PLCH1: variants seen among roughly 807,000 people sequenced by gnomAD.
PLCH1 encodes the protein 1-phosphatidylinositol 4,5-bisphosphate phosphodiesterase eta-1.
A neutral mutation model predicts 126.7 loss-of-function variants in PLCH1; 60 were observed. The ratio of observed to expected loss-of-function variants is 0.47; its 90% CI spans 0.38 to 0.59. PLCH1 has a LOEUF of 0.59. PLCH1 is among the 20% of genes least tolerant of loss of function. PLCH1 has a pLI of 0.00. For synonymous variants in PLCH1, 719 were observed against 734.9 expected, an observed-to-expected ratio of 0.98 and a Z score of 0.35; for missense variants, 1,723 against 2,040.0, an observed-to-expected ratio of 0.84 and a Z score of 2.99.
At chr3:155,605,327 G>T (rs1008533840) in intron 2 of PLCH1, among the ~76,000 whole-genome samples, 1 of 152,046 alleles carries the variant, frequency 6.6e-6, no homozygotes, top group Non-Finnish European at 1.5e-5. Context: ...AATTCTTGGG[G>T]ATCATGGAAA....
In PLCH1 at chr3:155,490,883, G is replaced by A. The variant is rs892788122; in HGVS notation, c.2308-15C>T. ...GGGTCAATGATCTATTAAGTAAAGA[G>A]AAAGTACTATTACAAATAACATATT... On this transcript the variant is annotated splice_polypyrimidine_tract_variant and intron_variant, in intron 18 of 22. Transcript: ENST00000460012. The A allele has an allele frequency of 3.8e-6, 5 of 1,306,814 alleles. No individual in the cohort carries two copies. The African/African-American group carries it at 5.8e-5, about 15-fold the overall frequency. 81.0% of individuals were successfully genotyped at this position (1,306,814 alleles called of 1,614,324 possible).
intron 2 of PLCH1, among the ~76,000 whole-genome samples, chr3:155,657,328 G>C (rs965669156): frequency 3.3e-5 from 5 of 152,142 alleles, no homozygotes; most frequent in African/African-American, 1.2e-4. Context: ...CAGAAAAGGG[G>C]AACCTAGGAA....
intron 10 of PLCH1, among the ~76,000 whole-genome samples, chr3:155,533,214 T>A (rs1722920907): frequency 6.6e-6 from 1 of 152,214 alleles, no homozygotes; most frequent in African/African-American, 2.4e-5. Flanking sequence ...AAGCAGAGCA[T>A]AAAAGTTTGG....
rs377126924 is a variant in PLCH1, at chr3:155,485,359, G to A, written c.2971C>T (p.Leu991=). The A allele has an allele frequency of 2.5e-6, 4 of 1,593,160 alleles. No individual in the cohort carries two copies. In the African/African-American group the frequency reaches 5.4e-5, roughly 21 times the overall value. The change falls in exon 22 of 23, where the codon CTA becomes TTA. Residue 991 remains leucine (L), a synonymous_variant. Transcript: ENST00000460012. ...AGAGAAACTTAAAGCATCTTACCTA[G>A]AGAGTTTTCTTTTCCTTCAATGTCT... The part of the protein sequence containing the change: ...AKDIEGKENS[L]AEDKDGRRKG...
intron 2 of PLCH1, among the ~76,000 whole-genome samples, chr3:155,601,308 ATAAT>A (rs1733709241): frequency 6.6e-6 from 1 of 152,136 alleles, no homozygotes; most frequent in Non-Finnish European, 1.5e-5. Context: ...ATTTTTTAAA[ATAAT>A]TAAAGTCAAT....
At chr3:155,589,908 T>A (rs2108624318) in intron 4 of PLCH1, among the ~76,000 whole-genome samples, 1 of 152,298 alleles carries the variant, frequency 6.6e-6, no homozygotes, top group African/African-American at 2.4e-5. Flanking sequence ...ATTATCATCA[T>A]CACCATGTTG....
chr3:155,504,351 T>C (rs910100099), intron 13 of PLCH1, among the ~76,000 whole-genome samples: 3 of 152,232 alleles, frequency 2.0e-5, no homozygotes, highest in African/African-American at 4.8e-5. Context: ...AAATATTCTT[T>C]CCCAGTATGC....
intron 10 of PLCH1, among the ~76,000 whole-genome samples, chr3:155,527,914 C>T (rs112283465): frequency 0.019 from 2,582 of 136,168 alleles, 40 homozygotes; most frequent in Non-Finnish European, 0.03. Flanking sequence ...AGTGACACTC[C>T]GTTTCAAAAA....
At chr3:155,620,480 A>G (rs3908141) in intron 2 of PLCH1, among the ~76,000 whole-genome samples, 73,893 of 152,094 alleles carry the variant, frequency 0.49, 20,345 homozygotes, top group African/African-American at 0.74. Flanking sequence ...ATGGAGAACA[A>G]GGTAGTGTCA....
intron 2 of PLCH1, among the ~76,000 whole-genome samples, chr3:155,641,288 T>C (rs1739371138): frequency 6.6e-6 from 1 of 152,078 alleles, no homozygotes; most frequent in South Asian, 2.1e-4. Context: ...TCTTGATAAT[T>C]CAAGTTTTCC....
At chr3:155,545,835 A>G (rs1316532559) in intron 10 of PLCH1, among the ~76,000 whole-genome samples, 14 of 152,200 alleles carry the variant, frequency 9.2e-5, no homozygotes, top group African/African-American at 3.4e-4. Flanking sequence ...ACAAAATTCA[A>G]CAAGCTTCAT....
In PLCH1 at chr3:155,593,985, G is replaced by A. The variant is rs754514011; in HGVS notation, c.426C>T (p.Ile142=). Residue 142 remains isoleucine (I), a synonymous_variant, in exon 4 of 23, where the codon ATC becomes ATT. Coordinates refer to ENST00000460012, the MANE Select transcript of PLCH1 (RefSeq NM_014996.4). ...TTTTGGCAAGGGAGTCTTCATCACT[G>A]ATGCCAGCCATCAGGTACTTGAGGC... ...ITGLKYLMAG[I]SDEDSLAKRQ... The A allele has an allele frequency of 5.0e-6, 8 of 1,613,934 alleles. No homozygotes were observed. In the Admixed American group the frequency reaches 1.3e-4, roughly 27 times the overall value.
At chr3:155,595,931 T>C (rs533866324) in intron 3 of PLCH1, among the ~76,000 whole-genome samples, 206 of 152,240 alleles carry the variant, frequency 1.4e-3, no homozygotes, top group African/African-American at 4.8e-3. Flanking sequence ...TCACCTTTTA[T>C]AGGAATGTAA....
chr3:155,658,464 C>G (rs1319647091), intron 2 of PLCH1: 1 of 158,410 alleles, frequency 6.3e-6, no homozygotes, highest in African/African-American at 2.4e-5. Context: ...AAGGTGAGAT[C>G]TCCAACACAG....
chr3:155,492,869 T>C lies in PLCH1; in HGVS notation c.2183-16A>G. The C allele has an allele frequency of 1.9e-6, 3 of 1,564,138 alleles. No homozygotes were observed. The highest frequency in any genetic ancestry group is 2.6e-6 in the Non-Finnish European group (3 of 1,158,354). On this transcript the variant is annotated splice_polypyrimidine_tract_variant and intron_variant, in intron 17 of 22. Coordinates refer to ENST00000460012, the MANE Select transcript of PLCH1 (RefSeq NM_014996.4). The stretch of plus-strand genomic sequence containing the variant: ...TTGAAAGTACCTAGGCCAAGTAAAG[T>C]ATAAGTTGGTAACATAAGAAGAAAC...
At chr3:155,584,513 C>G (rs916293334) in intron 5 of PLCH1, among the ~76,000 whole-genome samples, 46 of 152,312 alleles carry the variant, frequency 3.0e-4, no homozygotes, top group East Asian at 5.8e-4. Context: ...ATATGCCTTA[C>G]TTACAGGTTG....
intron 2 of PLCH1, chr3:155,676,034 T>C (rs925573614): frequency 2.9e-5 from 44 of 1,536,738 alleles, no homozygotes; most frequent in Non-Finnish European, 3.5e-5. Context: ...CTTCAAGGTC[T>C]GCCATTAAAT....
intron 21 of PLCH1, among the ~76,000 whole-genome samples, chr3:155,454,358 G>A (rs1274283122): frequency 6.6e-6 from 1 of 152,056 alleles, no homozygotes; most frequent in Non-Finnish European, 1.5e-5. Flanking sequence ...AAATTAGCTG[G>A]ACGTAGTGGT....
At chr3:155,528,482 C>A (rs889917754) in intron 10 of PLCH1, among the ~76,000 whole-genome samples, 1 of 152,120 alleles carries the variant, frequency 6.6e-6, no homozygotes, top group African/African-American at 2.4e-5. Flanking sequence ...AAGATATCAA[C>A]TTTCTTCACT....
Sources: gnomAD v4.1 joint callset for allele counts (sites outside exome capture counted in the v4.1 genomes callset) on GRCh38, gnomAD v4.1.1 for gene constraint, MANE v1.5 for transcripts, NCBI Gene and HGNC (gene_info 2026-07-23, HGNC 2026-07-21) for gene names.